TRIO: variants seen among roughly 807,000 people sequenced by gnomAD.
The protein encoded by TRIO is triple functional domain protein.
Under a neutral mutation model 351.9 loss-of-function variants are expected in TRIO, and 58 were observed. The ratio of observed to expected loss-of-function variants is 0.16; its 90% CI spans 0.13 to 0.21. The LOEUF (loss-of-function observed/expected upper bound fraction) is 0.21. Among genes scored for constraint, TRIO ranks in the 10% least tolerant of loss-of-function variants. The probability of loss-of-function intolerance (pLI) is 1.00; values close to 1 mark genes in which losing one functional copy is unlikely to be tolerated. For missense variants in TRIO, 3,201 were observed against 4,027.8 expected (o/e 0.79, Z 5.56); for synonymous variants, 1,758 against 1,595.7 (o/e 1.10, Z -2.42).
At chr5:14,459,621 T>TA (rs1414134246) in intron 34 of TRIO, among the ~76,000 whole-genome samples, 6 of 152,134 alleles carry the variant, frequency 3.9e-5, no homozygotes, top group Non-Finnish European at 7.4e-5. Context: ...TCGTCTGTAG[T>TA]TCCAGCTACT....
At chr5:14,491,860 A>G (rs26110) in intron 48 of TRIO, among the ~76,000 whole-genome samples, 83,460 of 152,068 alleles carry the variant, frequency 0.55, 25,885 homozygotes, top group African/African-American at 0.85. Flanking sequence ...GCTTTGTGAT[A>G]TGTTCCCATG....
At chr5:14,271,991 C>T (rs988831858) in intron 2 of TRIO, among the ~76,000 whole-genome samples, 2 of 152,046 alleles carry the variant, frequency 1.3e-5, no homozygotes, top group Admixed American at 1.3e-4. Flanking sequence ...GGAAGGTTCA[C>T]AGAAGAGTGT....
At chr5:14,284,346 G>T (rs1736263508) in intron 3 of TRIO, among the ~76,000 whole-genome samples, 1 of 152,124 alleles carries the variant, frequency 6.6e-6, no homozygotes, top group Admixed American at 6.5e-5. Context: ...TGTTTATTAG[G>T]TGCTCATAAA....
At chr5:14,469,779 T>C (rs1408459163) in intron 37 of TRIO, among the ~76,000 whole-genome samples, 1 of 152,230 alleles carries the variant, frequency 6.6e-6, no homozygotes, top group African/African-American at 2.4e-5. Context: ...GGGGACTCCA[T>C]TGTTGCAGGT....
chr5:14,155,899 A>T (rs1018662276), intron 1 of TRIO, among the ~76,000 whole-genome samples: 1 of 152,182 alleles, frequency 6.6e-6, no homozygotes, highest in Non-Finnish European at 1.5e-5. Context: ...GCATCCATTG[A>T]TGATCTTCAC....
chr5:14,422,356 A>G (rs1220226423), intron 34 of TRIO, among the ~76,000 whole-genome samples: 1 of 152,190 alleles, frequency 6.6e-6, no homozygotes, highest in Non-Finnish European at 1.5e-5. Context: ...AGGAGGAAGG[A>G]GCACCTTCAT....
intron 1 of TRIO, among the ~76,000 whole-genome samples, chr5:14,267,769 T>C (rs2152267492): frequency 6.6e-6 from 1 of 152,284 alleles, no homozygotes. Context: ...TTATTGGTTT[T>C]TTTTTTAAAT....
At chr5:14,289,249 G>A (rs1736705120) in intron 4 of TRIO, among the ~76,000 whole-genome samples, 1 of 152,172 alleles carries the variant, frequency 6.6e-6, no homozygotes, top group African/African-American at 2.4e-5. Context: ...GCTGAGCGTG[G>A]TGTAAGTCAC....
chr5:14,377,114 T>A (rs1745626932), intron 19 of TRIO, among the ~76,000 whole-genome samples: 1 of 152,208 alleles, frequency 6.6e-6, no homozygotes, highest in African/African-American at 2.4e-5. Flanking sequence ...TTGGTGGTTC[T>A]TGTTTGGTTA....
intron 43 of TRIO, among the ~76,000 whole-genome samples, chr5:14,480,701 T>C (rs1031699396): frequency 1.3e-5 from 2 of 152,168 alleles, no homozygotes; most frequent in African/African-American, 4.8e-5. Context: ...ACAGGAACAA[T>C]TGGATAGATC....
chr5:14,339,594 T>C (rs1741748135), intron 11 of TRIO, among the ~76,000 whole-genome samples: 1 of 152,184 alleles, frequency 6.6e-6, no homozygotes, highest in South Asian at 2.1e-4. Context: ...CTTACTTGTG[T>C]GCACGTCACG....
intron 21 of TRIO, among the ~76,000 whole-genome samples, chr5:14,384,104 A>G (rs1434290986): frequency 1.3e-5 from 2 of 151,962 alleles, no homozygotes; most frequent in African/African-American, 4.8e-5. Context: ...TTTAAGAGAG[A>G]TTTCTGTCCT....
intron 37 of TRIO, among the ~76,000 whole-genome samples, chr5:14,469,082 A>G (rs1241480148): frequency 6.6e-6 from 1 of 152,224 alleles, no homozygotes; most frequent in Non-Finnish European, 1.5e-5. Flanking sequence ...TAATCAAAAT[A>G]TAAAGGGAGA....
In TRIO at chr5:14,423,569, T is replaced by C. The variant is rs569132947; in HGVS notation, c.5203+3548T>C. ...GCCCTGCTTTTTTCACCTTTTCCCTTTCTTCCCAACCAAGAGTCGCCCTAC... is the reference window on the plus strand; with the variant it reads ...GCCCTGCTTTTTTCACCTTTTCCCTCTCTTCCCAACCAAGAGTCGCCCTAC... On this transcript the variant is annotated intron_variant, in intron 34 of 56. Coordinates refer to ENST00000344204, the MANE Select transcript of TRIO (RefSeq NM_007118.4). Among the ~76,000 whole-genome samples, 6 of 152,276 alleles carry C rather than the reference T, an allele frequency of 3.9e-5. No individual in the cohort carries two copies. In the South Asian group the frequency reaches 1.2e-3, roughly 32 times the overall value.
chr5:14,487,270 G>A (rs1204640850), intron 47 of TRIO, among the ~76,000 whole-genome samples, 194 bp from the exon 48 acceptor site: 1 of 152,076 alleles, frequency 6.6e-6, no homozygotes, highest in East Asian at 1.9e-4. Context: ...CCTTCCACCC[G>A]CTGCACTCAG....
chr5:14,474,157 G>A (rs765631778), intron 40 of TRIO, 60 bp downstream of exon 40: 11 of 1,522,952 alleles, frequency 7.2e-6, no homozygotes, highest in Non-Finnish European at 1.0e-5. Flanking sequence ...CTAAACCAAG[G>A]CAGGCCAGGC....
At chr5:14,327,593 C>T (rs1740500759) in intron 9 of TRIO, among the ~76,000 whole-genome samples, 1 of 152,082 alleles carries the variant, frequency 6.6e-6, no homozygotes, top group Non-Finnish European at 1.5e-5. Context: ...TTCCAGTAAT[C>T]ATCAGGTTTG....
intron 1 of TRIO, among the ~76,000 whole-genome samples, chr5:14,202,342 A>C (rs967463241): frequency 1.8e-5 from 1 of 55,646 alleles, no homozygotes; most frequent in Non-Finnish European, 3.3e-5. Flanking sequence ...CTCATCAGCT[A>C]TCGTTAGTAT....
At chr5:14,322,383 A>T (rs983515559) in intron 9 of TRIO, among the ~76,000 whole-genome samples, 7 of 152,204 alleles carry the variant, frequency 4.6e-5, no homozygotes, top group Non-Finnish European at 1.0e-4. Context: ...ATTTCAGTGC[A>T]TGGGAATTTT....
Sources: allele counts gnomAD v4.1 joint callset (sites outside exome capture counted in the v4.1 genomes callset), GRCh38; gene constraint gnomAD v4.1.1; transcripts MANE v1.5; gene names NCBI Gene and HGNC (gene_info 2026-07-23, HGNC 2026-07-21).